ENPP3: variants seen among roughly 807,000 people sequenced by gnomAD.
ENPP3 encodes ectonucleotide pyrophosphatase/phosphodiesterase family member 3.
Under a neutral mutation model 117.8 loss-of-function variants are expected in ENPP3, and 104 were observed. The observed-to-expected ratio is 0.88, with a 90% CI of 0.75 to 1.04. The LOEUF (loss-of-function observed/expected upper bound fraction) is 1.04, where lower values mean the gene tolerates loss of function less well. ENPP3 is among the 50% of genes least tolerant of loss of function. The pLI is 0.00. For missense variants in ENPP3, 1,026 were observed against 1,051.9 expected, an observed-to-expected ratio of 0.98 and a Z score of 0.34; for synonymous variants, 380 against 349.9, an observed-to-expected ratio of 1.09 and a Z score of -0.96.
intron 14 of ENPP3, 150 bp from the exon 15 acceptor site, chr6:131,693,347 T>C (rs1473024618): frequency 4.1e-5 from 26 of 629,172 alleles, no homozygotes; most frequent in East Asian, 1.2e-4. Flanking sequence ...TCTGACTACA[T>C]TGATAATAGG....
chr6:131,720,134 A>G (rs1779982795), intron 16 of ENPP3, among the ~76,000 whole-genome samples, 158 bp from the exon 17 acceptor site: 1 of 152,212 alleles, frequency 6.6e-6, no homozygotes, highest in Non-Finnish European at 1.5e-5. Context: ...TTGCAGGTGG[A>G]AAAATATGAA....
chr6:131,698,368 C>T (rs1585684222), intron 15 of ENPP3, among the ~76,000 whole-genome samples: 1 of 132,066 alleles, frequency 7.6e-6, no homozygotes, highest in East Asian at 2.2e-4. Flanking sequence ...AGTTTCCTGC[C>T]TCTTGTGGGA....
chr6:131,679,208 T>A (rs1050172242), intron 11 of ENPP3, among the ~76,000 whole-genome samples: 7 of 151,432 alleles, frequency 4.6e-5, no homozygotes, highest in East Asian at 3.9e-4. Flanking sequence ...AGTTCTCCTG[T>A]CTCAGCCTCT....
At chr6:131,722,520 C>A in intron 18 of ENPP3, 115 bp downstream of exon 18, 1 of 772,728 alleles carries the variant, frequency 1.3e-6, no homozygotes, top group Non-Finnish European at 2.2e-6. Flanking sequence ...TGGATATTTA[C>A]TTAGTAAATA....
chr6:131,735,535 G>T (rs764631485), intron 21 of ENPP3, among the ~76,000 whole-genome samples: 1 of 152,064 alleles, frequency 6.6e-6, no homozygotes, highest in African/African-American at 2.4e-5. Flanking sequence ...CAGGAGGATC[G>T]CTTGAGTCCA....
chr6:131,679,023 T>TC lies in ENPP3; in HGVS notation c.1011+1083_1011+1084insC, dbSNP rs1290538431. 2.5e-4 allele frequency among the ~76,000 whole-genome samples: 27 copies of TC among 107,208 alleles called. 1 individual carries two copies. Among genetic ancestry groups the TC allele is most frequent in the African/African-American group, 1.2e-3 (27 of 23,390 alleles). The allele number at this position is 107,208 out of a possible 152,430, so 70.3% of individuals were successfully genotyped here. ...CTTGCTTCCTTCCTTCCTTCCTTCC[T>TC]TCCTTCTTTCTTTCTTTCTTTCTTT... On this transcript the variant is annotated intron_variant, in intron 11 of 24. Coordinates refer to ENST00000357639, the MANE Select transcript of ENPP3 (RefSeq NM_005021.5).
Position 131,718,581 on chromosome 6 carries a change from T to A in ENPP3, c.1413-91T>A, listed in dbSNP as rs1253249016. 11 of 573,312 alleles carry A rather than the reference T, an allele frequency of 1.9e-5. No homozygotes were observed. The South Asian group carries it at 2.3e-4, about 12-fold the overall frequency. The allele number at this position is 573,312 out of a possible 1,614,324, so 35.5% of individuals were successfully genotyped here. ...TTGATAAAAAAATTTACTTATAAAA[T>A]TTACAGAAACTATATAAAATTAGTT... On this transcript the variant is annotated intron_variant, in intron 15 of 24. Coordinates refer to ENST00000357639, the MANE Select transcript of ENPP3 (RefSeq NM_005021.5).
chr6:131,743,432 T>C (rs1780570194), intron 24 of ENPP3, among the ~76,000 whole-genome samples: 1 of 152,090 alleles, frequency 6.6e-6, no homozygotes, highest in Non-Finnish European at 1.5e-5. Context: ...TTTTATGAAG[T>C]TTGTAAAGAT....
At chr6:131,671,084 G>A (rs990498881) in intron 6 of ENPP3, among the ~76,000 whole-genome samples, 164 bp from the exon 7 acceptor site, 3 of 152,126 alleles carry the variant, frequency 2.0e-5, no homozygotes, top group African/African-American at 7.2e-5. Context: ...ACATTCCCTG[G>A]AATGGAGGAA....
At chr6:131,720,721 A>T (rs1779997734) in intron 17 of ENPP3, among the ~76,000 whole-genome samples, 1 of 152,130 alleles carries the variant, frequency 6.6e-6, no homozygotes, top group South Asian at 2.1e-4. Flanking sequence ...AGCTGGGATT[A>T]CAGGTGTGAA....
chr6:131,638,831 AAT>A (rs1033371161), intron 1 of ENPP3, among the ~76,000 whole-genome samples: 20 of 149,338 alleles, frequency 1.3e-4, no homozygotes, highest in African/African-American at 4.7e-4. Flanking sequence ...TTATTTTGGT[AAT>A]ATGTGTATTT....
chr6:131,699,186 C>G (rs1386064011), intron 15 of ENPP3, among the ~76,000 whole-genome samples: 1 of 135,854 alleles, frequency 7.4e-6, no homozygotes, highest in Middle Eastern at 5.1e-3. Context: ...TGCGGTGAGC[C>G]GAGATTGCAC....
chr6:131,652,731 G>T, intron 4 of ENPP3, 64 bp downstream of exon 4: 1 of 1,607,544 alleles, frequency 6.2e-7, no homozygotes, highest in African/African-American at 1.3e-5. Context: ...GAGTTTCCTA[G>T]AGCCATGCTA....
chr6:131,667,367 G>C (rs969423887), intron 6 of ENPP3, among the ~76,000 whole-genome samples: 1 of 152,148 alleles, frequency 6.6e-6, no homozygotes. Flanking sequence ...TTCCTCCCCT[G>C]GGAGAAGCTG....
chr6:131,736,275 T>C (rs1246211578), intron 21 of ENPP3, among the ~76,000 whole-genome samples: 2 of 152,222 alleles, frequency 1.3e-5, no homozygotes, highest in Non-Finnish European at 2.9e-5. Context: ...TCAGTTCTCA[T>C]ACTGCTAATA....
intron 6 of ENPP3, among the ~76,000 whole-genome samples, chr6:131,669,280 G>A (rs549172682): frequency 6.6e-6 from 1 of 152,090 alleles, no homozygotes; most frequent in South Asian, 2.1e-4. Flanking sequence ...GATTAAATAA[G>A]AAAAATAAAG....
At chr6:131,736,054 A>G (rs942499167) in intron 21 of ENPP3, among the ~76,000 whole-genome samples, 1 of 152,266 alleles carries the variant, frequency 6.6e-6, no homozygotes, top group Non-Finnish European at 1.5e-5. Context: ...CCTCACAATA[A>G]TTCTATGAGA....
At chr6:131,639,627 C>T (rs991849611) in intron 1 of ENPP3, among the ~76,000 whole-genome samples, 1 of 152,030 alleles carries the variant, frequency 6.6e-6, no homozygotes, top group African/African-American at 2.4e-5. Context: ...TTCACTTAAA[C>T]ATTTTGAAGG....
chr6:131,691,730 C>T (rs1260634421), intron 14 of ENPP3, among the ~76,000 whole-genome samples: 1 of 152,142 alleles, frequency 6.6e-6, no homozygotes, highest in Non-Finnish European at 1.5e-5. Context: ...TCTGGATTTA[C>T]TCTGGCTACA....
Sources: allele counts gnomAD v4.1 joint callset (sites outside exome capture counted in the v4.1 genomes callset), GRCh38; gene constraint gnomAD v4.1.1; transcripts MANE v1.5; gene names NCBI Gene and HGNC (gene_info 2026-07-23, HGNC 2026-07-21).